PTPRT: variants seen among roughly 807,000 people sequenced by gnomAD.
PTPRT encodes the protein receptor-type tyrosine-protein phosphatase T.
Under a neutral mutation model 176.8 loss-of-function variants are expected in PTPRT, and 56 were observed. That is an observed-to-expected ratio of 0.32 (90% CI 0.26 to 0.40). The LOEUF is 0.40. Ranked by LOEUF, PTPRT falls within the 10% of genes least tolerant of loss-of-function variation. The pLI, the probability that PTPRT is intolerant of heterozygous loss-of-function variation, is 1.00. For missense variants in PTPRT, 1,540 were observed against 1,908.2 expected (o/e 0.81, Z 3.60); for synonymous variants, 783 against 739.0 (o/e 1.06, Z -0.96).
intron 15 of PTPRT, among the ~76,000 whole-genome samples, chr20:42,229,249 G>A (rs2056084873): frequency 6.6e-6 from 1 of 152,210 alleles, no homozygotes; most frequent in South Asian, 2.1e-4. Flanking sequence ...GATCTGGGGG[G>A]TGAGGCTCAG....
At chr20:42,876,746 C>A (rs2145839529) in intron 2 of PTPRT, among the ~76,000 whole-genome samples, 1 of 152,292 alleles carries the variant, frequency 6.6e-6, no homozygotes, top group Middle Eastern at 3.4e-3. Context: ...TTTTAAATAA[C>A]CGCCTTCCTT....
chr20:42,296,679 G>A (rs6030116), intron 12 of PTPRT, among the ~76,000 whole-genome samples: 108,157 of 152,118 alleles, frequency 0.71, 38,848 homozygotes, highest in African/African-American at 0.8. Context: ...CTGAAATGTA[G>A]AAGATATTCA....
intron 14 of PTPRT, among the ~76,000 whole-genome samples, chr20:42,245,029 G>T (rs1330580033): frequency 6.6e-6 from 1 of 152,104 alleles, no homozygotes; most frequent in Non-Finnish European, 1.5e-5. Context: ...CAGTGATGAA[G>T]GTCTTTCTCT....
intron 12 of PTPRT, among the ~76,000 whole-genome samples, chr20:42,287,161 T>G (rs1057400032): frequency 6.6e-6 from 1 of 151,968 alleles, no homozygotes; most frequent in Non-Finnish European, 1.5e-5. Flanking sequence ...TCAGCCACTA[T>G]GGAGAACAGT....
At chr20:42,592,140 C>A (rs1013435488) in intron 7 of PTPRT, among the ~76,000 whole-genome samples, 2 of 145,130 alleles carry the variant, frequency 1.4e-5, no homozygotes, top group African/African-American at 2.7e-5. Context: ...CAACCACACC[C>A]AGCTAATTTT....
chr20:42,419,329 G>A (rs768210232), intron 9 of PTPRT, among the ~76,000 whole-genome samples: 4 of 152,142 alleles, frequency 2.6e-5, no homozygotes, highest in Non-Finnish European at 4.4e-5. Flanking sequence ...AGGGAAAGAG[G>A]GGTTCATTGC....
intron 10 of PTPRT, 44 bp downstream of exon 10, chr20:42,352,040 G>C (rs2145521283): frequency 6.4e-7 from 1 of 1,574,474 alleles, no homozygotes; most frequent in Non-Finnish European, 8.7e-7. Flanking sequence ...CAGGAAGTGG[G>C]GGTGAAACAA....
rs113677836 is a variant in PTPRT, at chr20:42,620,977, G to A, written c.1153+56889C>T. Reference sequence around the variant, plus strand: ...TCTTGGCTCCTCCCCCGAAACTTTCGTTTTTAAAACCATCAGATCTCATGA... The same window carrying A: ...TCTTGGCTCCTCCCCCGAAACTTTCATTTTTAAAACCATCAGATCTCATGA... On this transcript the variant is annotated intron_variant, in intron 7 of 30. Coordinates refer to ENST00000373187, the MANE Select transcript of PTPRT (RefSeq NM_007050.6). Among the ~76,000 whole-genome samples, 891 of 152,236 alleles carry A rather than the reference G, an allele frequency of 5.9e-3. 8 individuals are homozygous for A. The highest frequency in any genetic ancestry group is 0.02 in the African/African-American group (846 of 41,558).
At position 42,705,742 on chromosome 20, in the gene PTPRT, A is replaced by G. The variant is rs142228352; in HGVS notation, c.860-27583T>C. Among the ~76,000 whole-genome samples, 712 of 152,166 alleles carry G rather than the reference A, an allele frequency of 4.7e-3. 3 individuals are homozygous for G. The highest frequency in any genetic ancestry group is 0.016 in the African/African-American group (682 of 41,510). On this transcript the variant is annotated intron_variant, in intron 6 of 30. Coordinates refer to ENST00000373187, the MANE Select transcript of PTPRT (RefSeq NM_007050.6). ...AGTCCTCATGGCAACCTTGGCTTCTATTGTGGCTTCTCATTTCTGTTATGT... is the reference window on the plus strand; with the variant it reads ...AGTCCTCATGGCAACCTTGGCTTCTGTTGTGGCTTCTCATTTCTGTTATGT...
At chr20:42,985,515 TG>T (rs1230196951) in intron 1 of PTPRT, among the ~76,000 whole-genome samples, 2 of 151,784 alleles carry the variant, frequency 1.3e-5, no homozygotes, top group African/African-American at 4.8e-5. Context: ...ATAAATAAAG[TG>T]GGGATACAGT....
chr20:42,140,767 G>A (rs1406496914), intron 18 of PTPRT, among the ~76,000 whole-genome samples: 1 of 152,160 alleles, frequency 6.6e-6, no homozygotes, highest in Admixed American at 6.5e-5. Context: ...GACATGTCCT[G>A]AGTACCCAGT....
intron 1 of PTPRT, among the ~76,000 whole-genome samples, chr20:43,109,042 G>C (rs529415814): frequency 6.6e-6 from 1 of 152,166 alleles, no homozygotes; most frequent in Non-Finnish European, 1.5e-5. Flanking sequence ...AGTTATCTGA[G>C]AGCTCAAGCC....
chr20:42,083,451 C>T (rs7264677), intron 29 of PTPRT, among the ~76,000 whole-genome samples: 14,517 of 152,156 alleles, frequency 0.095, 1,509 homozygotes, highest in African/African-American at 0.26. Context: ...TGGGACACTA[C>T]GCAGCATCTT....
At chr20:42,545,652 T>C (rs548636216) in intron 7 of PTPRT, among the ~76,000 whole-genome samples, 20 of 152,162 alleles carry the variant, frequency 1.3e-4, no homozygotes, top group Non-Finnish European at 2.2e-4. Context: ...CCAATCTTGA[T>C]TGAAAATCTT....
At chr20:42,495,554 C>T (rs1886189051) in intron 7 of PTPRT, among the ~76,000 whole-genome samples, 2 of 152,180 alleles carry the variant, frequency 1.3e-5, no homozygotes, top group Non-Finnish European at 2.9e-5. Context: ...AAAAGGCACA[C>T]AGACCATCCA....
intron 1 of PTPRT, among the ~76,000 whole-genome samples, chr20:42,937,867 C>T (rs1568689333): frequency 6.6e-6 from 1 of 152,300 alleles, no homozygotes; most frequent in East Asian, 1.9e-4. Flanking sequence ...GAGATAATTA[C>T]ACTCTGTATC....
intron 7 of PTPRT, among the ~76,000 whole-genome samples, chr20:42,658,096 TC>T (rs2075159197): frequency 6.6e-6 from 1 of 152,198 alleles, no homozygotes. Flanking sequence ...AGTAATGTTC[TC>T]TAAAGTTGCA....
chr20:42,879,075 A>G (rs184353199), intron 2 of PTPRT, among the ~76,000 whole-genome samples: 3 of 152,316 alleles, frequency 2.0e-5, no homozygotes, highest in East Asian at 3.9e-4. Context: ...AAAGCTTCCA[A>G]TACTTACAGA....
At chr20:42,655,994 C>T (rs990121764) in intron 7 of PTPRT, among the ~76,000 whole-genome samples, 18 of 152,100 alleles carry the variant, frequency 1.2e-4, no homozygotes, top group African/African-American at 3.4e-4. Flanking sequence ...CTAAGAAATA[C>T]CATCAAGTGC....
Sources: allele counts gnomAD v4.1 joint callset (sites outside exome capture counted in the v4.1 genomes callset), GRCh38; gene constraint gnomAD v4.1.1; transcripts MANE v1.5; gene names NCBI Gene and HGNC (gene_info 2026-07-23, HGNC 2026-07-21).